Variants in DYNC1H1 observed in about 807,000 individuals in gnomAD.
DYNC1H1 encodes dynein cytoplasmic 1 heavy chain 1.
A neutral mutation model predicts 527.1 loss-of-function variants in DYNC1H1; 51 were observed. That is an observed-to-expected ratio of 0.10 (90% CI 0.08 to 0.12). DYNC1H1 has a LOEUF of 0.12. Ranked by LOEUF, DYNC1H1 falls within the 10% of genes least tolerant of loss-of-function variation. The probability of loss-of-function intolerance (pLI) is 1.00; values close to 1 mark genes in which losing one functional copy is unlikely to be tolerated. For synonymous variants in DYNC1H1, 2,189 were observed against 2,278.8 expected (o/e 0.96, Z 1.12); for missense variants, 2,771 against 5,971.8 (o/e 0.46, Z 17.66).
At chr14:102,000,513 T>G in intron 18 of DYNC1H1, 114 bp downstream of exon 18, 1 of 931,326 alleles carries the variant, frequency 1.1e-6, no homozygotes, top group Non-Finnish European at 1.7e-6. Context: ...AGATGTCATT[T>G]AATGTCCTGC....
chr14:102,000,449 C>A lies in DYNC1H1; in HGVS notation c.4074+50C>A, dbSNP rs202184462. ...GTACGTCTATTTTAACAGTTACAGACTTTATTTAGGAACGTGACAAGCCAA... is the reference window on the plus strand; with the variant it reads ...GTACGTCTATTTTAACAGTTACAGAATTTATTTAGGAACGTGACAAGCCAA... On this transcript the variant is annotated intron_variant, in intron 18 of 77. Coordinates refer to ENST00000360184, the MANE Select transcript of DYNC1H1 (RefSeq NM_001376.5). 2.0e-5 allele frequency: 31 copies of A among 1,574,258 alleles called. No individual in the cohort carries two copies. The African/African-American group carries it at 2.3e-4, about 12-fold the overall frequency.
chr14:102,015,809 G>T lies in DYNC1H1; in HGVS notation c.7243-47G>T, dbSNP rs369439004. ...GACCAGGTTAGAATCGATGAAACTCGCCTGCCTTTTGAAAGATAGTTAAGT... is the reference window on the plus strand; with the variant it reads ...GACCAGGTTAGAATCGATGAAACTCTCCTGCCTTTTGAAAGATAGTTAAGT... On this transcript the variant is annotated intron_variant, in intron 35 of 77. Coordinates refer to ENST00000360184, the MANE Select transcript of DYNC1H1 (RefSeq NM_001376.5). This position sits in a 1 kb window ranked among gnomAD's most constrained non-coding sequence, Gnocchi z 6.9. 9.4e-6 allele frequency: 15 copies of T among 1,601,678 alleles called. No homozygotes were observed. The South Asian group carries it at 1.7e-4, about 18-fold the overall frequency.
At position 102,049,662 on chromosome 14, in the gene DYNC1H1, G is replaced by A; in HGVS notation, c.13516-52G>A. 6.2e-7 allele frequency: 1 copy of A among 1,613,490 alleles called. No homozygotes were observed. The highest frequency in any genetic ancestry group is 8.5e-7 in the Non-Finnish European group (1 of 1,179,982). On this transcript the variant is annotated intron_variant, in intron 75 of 77. Transcript: ENST00000360184. This position sits in a 1 kb window ranked among gnomAD's most constrained non-coding sequence, Gnocchi z 5.5. ...GGGAGTGGCTCTGGGGAAAAACACAGGGCCCAGGTCTGACCTGAGCTCCTT... is the reference window on the plus strand; with the variant it reads ...GGGAGTGGCTCTGGGGAAAAACACAAGGCCCAGGTCTGACCTGAGCTCCTT...
At chr14:102,050,352 C>CG in intron 77 of DYNC1H1, 83 bp from the exon 78 acceptor site, 2 of 1,612,382 alleles carry the variant, frequency 1.2e-6, no homozygotes, top group Non-Finnish European at 1.7e-6. Flanking sequence ...CTCTCCTTGC[C>CG]GGGCCCCATC....
rs191294462 is a variant in DYNC1H1, at chr14:101,978,817, C to T, written c.345-502C>T. ...AATTTCAGCAGATCAATATAGATTT[C>T]TTAAGCAAAGGCACAAAGCACGTGA... On this transcript the variant is annotated intron_variant, in intron 2 of 77. Transcript: ENST00000360184. Among the ~76,000 whole-genome samples the T allele has an allele frequency of 4.9e-4, 74 of 152,286 alleles. 1 individual carries two copies. Among genetic ancestry groups the T allele is most frequent in the African/African-American group, 1.7e-3 (72 of 41,544 alleles).
rs1054611618 is a variant in DYNC1H1, at chr14:102,050,353, G to A, written c.13813-82G>A. On this transcript the variant is annotated intron_variant, in intron 77 of 77. Coordinates refer to ENST00000360184, the MANE Select transcript of DYNC1H1 (RefSeq NM_001376.5). ...GCACCTGTCCAAACCTCTCCTTGCCGGGCCCCATCAGCTGTCCCGGGCAGT... is the reference window on the plus strand; with the variant it reads ...GCACCTGTCCAAACCTCTCCTTGCCAGGCCCCATCAGCTGTCCCGGGCAGT... 12 of 1,612,408 alleles carry A rather than the reference G, an allele frequency of 7.4e-6. 1 individual carries two copies. The South Asian group carries it at 7.7e-5, about 10-fold the overall frequency.
In DYNC1H1 at chr14:102,022,787, G is replaced by A. The variant is rs746195946; in HGVS notation, c.8544G>A (p.Glu2848=). ...VEDEERRWTD[E]NIDTVALKHF... ...ATGAGGAGAGGCGTTGGACTGATGA[G>A]AACATCGACACGGTTGCTCTGAAGC... Residue 2848 remains glutamate (E), a synonymous_variant, in exon 43 of 78, where the codon GAG becomes GAA. Coordinates refer to ENST00000360184, the MANE Select transcript of DYNC1H1 (RefSeq NM_001376.5). 6.2e-7 allele frequency: 1 copy of A among 1,614,182 alleles called. No homozygotes were observed. The highest frequency in any genetic ancestry group is 1.1e-5 in the South Asian group (1 of 91,084).
In DYNC1H1 at chr14:102,051,255, CA is replaced by C. The variant is rs76566190; in HGVS notation, c.*705del. ...TGGGTGACAGAGCAAGACCCTGTCT[CA>C]AAAAAAAAAAAAGCTGGGCGTGGTG... On this transcript the variant is annotated 3_prime_UTR_variant, in exon 78 of 78. Transcript: ENST00000360184. 0.26 allele frequency: 36,420 copies of C among 141,652 alleles called. 5,959 individuals carry two copies. The highest frequency in any genetic ancestry group is 0.49 in the African/African-American group (19,367 of 39,314). 8.8% of individuals were successfully genotyped at this position (141,652 alleles called of 1,614,324 possible). A position where few individuals can be genotyped will look rare whatever the true frequency, so the allele number is the denominator to read the frequency against.
intron 8 of DYNC1H1, 47 bp from the exon 9 acceptor site, chr14:101,987,406 A>G: frequency 5.8e-6 from 9 of 1,560,748 alleles, no homozygotes; most frequent in Non-Finnish European, 7.9e-6. Context: ...GAATAAAGGA[A>G]CAGAGTGTGA....
chr14:102,031,383 C>T (rs557670379), intron 51 of DYNC1H1, among the ~76,000 whole-genome samples: 8 of 152,132 alleles, frequency 5.3e-5, no homozygotes, highest in Non-Finnish European at 7.4e-5. Flanking sequence ...TATAGGTGCG[C>T]GCCGCCACAC....
intron 43 of DYNC1H1, among the ~76,000 whole-genome samples, chr14:102,024,905 A>G (rs1012212195): frequency 9.2e-5 from 14 of 151,750 alleles, no homozygotes; most frequent in African/African-American, 3.1e-4. Context: ...CGTGTTAGCC[A>G]GGATGGTCTC....
rs1320109627 is a variant in DYNC1H1 at position 101,971,858 on chromosome 14, A to G, written c.257-3854A>G. On this transcript the variant is annotated intron_variant, in intron 1 of 77. Coordinates refer to ENST00000360184, the MANE Select transcript of DYNC1H1 (RefSeq NM_001376.5). ...GTTAGTGCTAAATGCCATTTTGAAC[A>G]TCTCTAGAAATTCAATAAACTCTCA... 3.3e-5 allele frequency among the ~76,000 whole-genome samples: 5 copies of G among 152,368 alleles called. No individual in the cohort carries two copies. In the East Asian group the frequency reaches 7.7e-4, roughly 23 times the overall value.
In DYNC1H1 at chr14:101,997,050, C is replaced by G; in HGVS notation, c.3580C>G (p.Gln1194Glu). 1 of 1,614,078 alleles carries G rather than the reference C, an allele frequency of 6.2e-7. No individual in the cohort carries two copies. Among genetic ancestry groups the G allele is most frequent in the Non-Finnish European group, 8.5e-7 (1 of 1,179,980 alleles). Residue 1194 changes from glutamine to glutamate, a missense_variant, in exon 16 of 78, where the codon CAG (glutamine) becomes GAG (glutamate). Physicochemically the swap from Gln to Glu is conservative, Grantham distance 29 (BLOSUM62 2). Around this residue, in one of 32 missense-constraint regions of DYNC1H1, gnomAD observed 223 missense variants for 462.5 expected, o/e 0.48. Transcript: ENST00000360184. The surrounding 1 kb of genome is among the most constrained non-coding windows in gnomAD (Gnocchi z 4.8). ...ACTCTCAAAGCTCTACCGCAATGGC[C>G]AGCGCTTACTGGAAAAGCAAAGGTT... ...EKQVELYRNGQRLLEKQRFQF... is the reference protein window; with the variant it reads ...EKQVELYRNGERLLEKQRFQF...
At position 101,980,400 on chromosome 14, in the gene DYNC1H1, G is replaced by A. The variant is rs748001948; in HGVS notation, c.811G>A (p.Ala271Thr). The change falls in exon 5 of 78, where the codon GCC (alanine) becomes ACC (threonine). Residue 271 changes from alanine to threonine, a missense_variant. By Grantham distance (58) the Ala-to-Thr change is moderately conservative. Transcript: ENST00000360184. ...KLDRDPASGT[A>T]LQEISFWLNL... Reference sequence around the variant, plus strand: ...GGATCGAGATCCTGCATCAGGAACTGCCTTACAGGAAATTAGTTTTTGGCT... The same window carrying A: ...GGATCGAGATCCTGCATCAGGAACTACCTTACAGGAAATTAGTTTTTGGCT... 6.2e-7 allele frequency: 1 copy of A among 1,614,242 alleles called. No homozygotes were observed. The highest frequency in any genetic ancestry group is 8.5e-7 in the Non-Finnish European group (1 of 1,180,046).
At chr14:101,999,039 G>A (rs1567005039) in intron 16 of DYNC1H1, among the ~76,000 whole-genome samples, 1 of 151,698 alleles carries the variant, frequency 6.6e-6, no homozygotes, top group South Asian at 2.1e-4. Context: ...CCGCCACCAC[G>A]CCTGGCTAAT....
chr14:102,050,295 C>T (rs1187563481), intron 77 of DYNC1H1, 97 bp downstream of exon 77: 18 of 1,611,178 alleles, frequency 1.1e-5, no homozygotes, highest in South Asian at 1.1e-4. Flanking sequence ...CCACTTGGAA[C>T]GGGAAATGAG....
intron 11 of DYNC1H1, among the ~76,000 whole-genome samples, chr14:101,992,343 GTGA>G (rs1436981420): frequency 1.3e-5 from 2 of 152,170 alleles, no homozygotes; most frequent in Non-Finnish European, 2.9e-5. Flanking sequence ...TAAAATCGTG[GTGA>G]TGTTTCACCT....
At chr14:101,988,350 G>A (rs527630075) in intron 9 of DYNC1H1, among the ~76,000 whole-genome samples, 63 of 152,330 alleles carry the variant, frequency 4.1e-4, no homozygotes, top group African/African-American at 1.4e-3. Context: ...GTGGGGATGG[G>A]TAGAAGGTGT....
At chr14:102,003,296 T>G (rs2048152694) in intron 23 of DYNC1H1, among the ~76,000 whole-genome samples, 1 of 150,710 alleles carries the variant, frequency 6.6e-6, no homozygotes, top group African/African-American at 2.5e-5. Context: ...GGAGTCTTGC[T>G]CTGTCGCCCA....
Sources: gnomAD v4.1 joint callset for allele counts (sites outside exome capture counted in the v4.1 genomes callset) on GRCh38, gnomAD v4.1.1 for gene constraint, gnomAD v4.1.1 regional missense constraint, Gnocchi (gnomAD v3.1) non-coding constraint, MANE v1.5 for transcripts, NCBI Gene and HGNC (gene_info 2026-07-23, HGNC 2026-07-21) for gene names.